Variants in TNFAIP8 observed in about 807,000 individuals in gnomAD.
TNFAIP8 encodes TNF alpha induced protein 8.
TNFAIP8 carries 7 observed loss-of-function variants against 13.3 expected under a neutral mutation model. That is an observed-to-expected ratio of 0.52 (90% CI 0.30 to 0.99). TNFAIP8 has a LOEUF of 0.99. Ranked by LOEUF, TNFAIP8 falls within the 50% of genes least tolerant of loss-of-function variation. The pLI is 0.07. For missense variants in TNFAIP8, 258 were observed against 236.9 expected (o/e 1.09, Z -0.58); for synonymous variants, 94 against 87.6 (o/e 1.07, Z -0.41).
chr5:119,286,719 G>T (rs918167558), intron 1 of TNFAIP8, among the ~76,000 whole-genome samples: 2 of 152,066 alleles, frequency 1.3e-5, no homozygotes, highest in African/African-American at 4.8e-5. Context: ...GGCAATGTTT[G>T]TGGTGGCTCT....
intron 1 of TNFAIP8, among the ~76,000 whole-genome samples, chr5:119,385,142 T>G (rs756721396): frequency 3.3e-5 from 5 of 152,222 alleles, no homozygotes; most frequent in African/African-American, 4.8e-5. Flanking sequence ...TTATAAGTCA[T>G]TAAATCTCAT....
intron 1 of TNFAIP8, among the ~76,000 whole-genome samples, chr5:119,368,741 A>G (rs765956631): frequency 3.9e-5 from 6 of 152,094 alleles, no homozygotes; most frequent in Non-Finnish European, 8.8e-5. Context: ...ATTTTTCGGG[A>G]CCCAACTAAA....
intron 1 of TNFAIP8, among the ~76,000 whole-genome samples, chr5:119,381,275 TCA>T (rs887089456): frequency 6.6e-6 from 1 of 152,238 alleles, no homozygotes; most frequent in African/African-American, 2.4e-5. Context: ...GTGCCGTGGT[TCA>T]CGCTTGTAAT....
intron 1 of TNFAIP8, among the ~76,000 whole-genome samples, chr5:119,316,647 A>G (rs539667367): frequency 2.6e-5 from 4 of 152,300 alleles, no homozygotes; most frequent in South Asian, 2.1e-4. Flanking sequence ...TCTTTCAAAA[A>G]TCCAGGTGCC....
At chr5:119,369,078 G>A (rs1751979633) in intron 1 of TNFAIP8, among the ~76,000 whole-genome samples, 1 of 146,004 alleles carries the variant, frequency 6.8e-6, no homozygotes. Flanking sequence ...TTTTGAGAGG[G>A]AATCTTGCTG....
intron 1 of TNFAIP8, among the ~76,000 whole-genome samples, chr5:119,371,908 C>T (rs1182236534): frequency 4.6e-5 from 7 of 151,962 alleles, no homozygotes; most frequent in African/African-American, 1.5e-4. Flanking sequence ...GAGGCCGAAG[C>T]GGGCAGATCA....
At chr5:119,354,334 T>C (rs1015455770), upstream of TNFAIP8, 19 of 152,236 alleles carry the variant, frequency 1.2e-4, no homozygotes, top group African/African-American at 4.3e-4. Flanking sequence ...CTCCCTTCTC[T>C]GGCTGGCTAT....
At chr5:119,318,265 T>G (rs189959577) in intron 1 of TNFAIP8, among the ~76,000 whole-genome samples, 1 of 152,064 alleles carries the variant, frequency 6.6e-6, no homozygotes, top group Admixed American at 6.5e-5. Flanking sequence ...TTTAGTGCTC[T>G]ATATCAGCCT....
At chr5:119,275,070 A>G (rs1237163396) in intron 1 of TNFAIP8, among the ~76,000 whole-genome samples, 2 of 151,316 alleles carry the variant, frequency 1.3e-5, no homozygotes, top group African/African-American at 4.9e-5. Context: ...GTGGCTTTAA[A>G]GTTTAAAGAA....
upstream of TNFAIP8, chr5:119,355,557 C>T: frequency 1.7e-6 from 1 of 573,910 alleles, no homozygotes; most frequent in Non-Finnish European, 3.1e-6. Context: ...TTTTGGGTTG[C>T]AAGACTCCAA....
At chr5:119,351,923 G>A (rs1182220667), upstream of TNFAIP8, among the ~76,000 whole-genome samples, 2 of 151,612 alleles carry the variant, frequency 1.3e-5, no homozygotes, top group East Asian at 1.9e-4. Context: ...ACAAGTAGCT[G>A]GGATTACAGG....
intron 1 of TNFAIP8, among the ~76,000 whole-genome samples, chr5:119,270,716 C>T (rs550310347): frequency 6.6e-6 from 1 of 152,302 alleles, no homozygotes; most frequent in African/African-American, 2.4e-5. Context: ...CTACCACCTA[C>T]TCCTCTGTAA....
At chr5:119,374,862 T>C (rs1454704218) in intron 1 of TNFAIP8, among the ~76,000 whole-genome samples, 3 of 152,190 alleles carry the variant, frequency 2.0e-5, no homozygotes, top group Non-Finnish European at 4.4e-5. Context: ...AGTTCCCAAC[T>C]TCTACAAGTT....
chr5:119,277,278 A>C (rs1748485078), intron 1 of TNFAIP8, among the ~76,000 whole-genome samples: 2 of 152,210 alleles, frequency 1.3e-5, no homozygotes, highest in Non-Finnish European at 2.9e-5. Context: ...TAATCCCTAC[A>C]AATTATAGTT....
chr5:119,397,390 A>G lies in TNFAIP8; in HGVS notation c.*4009A>G, dbSNP rs748108993. ...CCAGGAAATTAAAATACTCCAGTAAAATGAATTAAATTAGCATGTTAATAA... is the reference window on the plus strand; with the variant it reads ...CCAGGAAATTAAAATACTCCAGTAAGATGAATTAAATTAGCATGTTAATAA... On this transcript the variant is annotated 3_prime_UTR_variant, in exon 2 of 2. Transcript: ENST00000504771. The G allele has an allele frequency of 6.6e-6, 1 of 152,250 alleles. No individual in the cohort carries two copies. Among genetic ancestry groups the G allele is most frequent in the Non-Finnish European group, 1.5e-5 (1 of 68,046 alleles). 9.4% of individuals were successfully genotyped at this position (152,250 alleles called of 1,614,324 possible).
chr5:119,345,394 T>A (rs1482996978), intron 1 of TNFAIP8, among the ~76,000 whole-genome samples: 2 of 152,174 alleles, frequency 1.3e-5, no homozygotes, highest in Non-Finnish European at 2.9e-5. Flanking sequence ...CTCAAAAGAA[T>A]TGAAAAGGCA....
intron 1 of TNFAIP8, among the ~76,000 whole-genome samples, chr5:119,385,310 C>A (rs1455838890): frequency 6.6e-6 from 1 of 152,198 alleles, no homozygotes; most frequent in Non-Finnish European, 1.5e-5. Flanking sequence ...GCTGTTGGAT[C>A]TCTGGTTCTC....
chr5:119,270,162 G>A (rs1176948845), intron 1 of TNFAIP8, among the ~76,000 whole-genome samples: 1 of 152,262 alleles, frequency 6.6e-6, no homozygotes, highest in Non-Finnish European at 1.5e-5. Context: ...AAGCCATTGT[G>A]CATTGGCACA....
intron 1 of TNFAIP8, chr5:119,333,719 C>T (rs929782759): frequency 2.3e-5 from 25 of 1,070,606 alleles, no homozygotes; most frequent in Non-Finnish European, 3.2e-5. Flanking sequence ...CATAGTATTG[C>T]TGTCTTCAAG....
Sources: allele counts gnomAD v4.1 joint callset (sites outside exome capture counted in the v4.1 genomes callset), GRCh38; gene constraint gnomAD v4.1.1; transcripts MANE v1.5; gene names NCBI Gene and HGNC (gene_info 2026-07-23, HGNC 2026-07-21).